The following SLC35F2 variants were observed in gnomAD, a reference collection of about 807,000 sequenced individuals.
SLC35F2 encodes the protein solute carrier family 35 member F2, also known as queuine/queuosine transporter SLC35F2.
SLC35F2 carries 25 observed loss-of-function variants against 38.1 expected under a neutral mutation model. The observed-to-expected ratio is 0.66, with a 90% CI of 0.48 to 0.92. The LOEUF (loss-of-function observed/expected upper bound fraction) is 0.92, where lower values mean the gene tolerates loss of function less well. SLC35F2 is among the 40% of genes least tolerant of loss of function. The probability of loss-of-function intolerance (pLI) is 0.00; values close to 1 mark genes in which losing one functional copy is unlikely to be tolerated. For synonymous variants in SLC35F2, 173 were observed against 181.7 expected, an observed-to-expected ratio of 0.95 and a Z score of 0.38; for missense variants, 409 against 452.9, an observed-to-expected ratio of 0.90 and a Z score of 0.88.
At chr11:107,822,360 AC>A (rs1859685509) in intron 1 of SLC35F2, among the ~76,000 whole-genome samples, 1 of 152,234 alleles carries the variant, frequency 6.6e-6, no homozygotes, top group Non-Finnish European at 1.5e-5. Context: ...ATACTTATGT[AC>A]CTGATTTCCA....
At chr11:107,793,219 CAT>C (rs1166459640) in intron 7 of SLC35F2, among the ~76,000 whole-genome samples, 2 of 152,158 alleles carry the variant, frequency 1.3e-5, no homozygotes, top group African/African-American at 4.8e-5. Flanking sequence ...TGCCTGGCCT[CAT>C]GATCTTTTTT....
chr11:107,846,368 G>A (rs1382007472), intron 1 of SLC35F2, among the ~76,000 whole-genome samples: 3 of 152,082 alleles, frequency 2.0e-5, no homozygotes, highest in South Asian at 2.1e-4. Flanking sequence ...ATGATACCAC[G>A]ATAAAGGTAC....
Position 107,792,760 on chromosome 11 carries a change from AC to A in SLC35F2, c.979del (p.Val327TrpfsTer34). 6.2e-7 allele frequency: 1 copy of A among 1,604,608 alleles called. No homozygotes were observed. The highest frequency in any genetic ancestry group is 8.5e-7 in the Non-Finnish European group (1 of 1,175,634). On this transcript the variant is annotated frameshift_variant, in exon 8 of 8. Coordinates refer to ENST00000525815, the MANE Select transcript of SLC35F2 (RefSeq NM_017515.5). LOFTEE classifies it high-confidence loss of function. The part of the protein sequence containing the change: ...LYILSFTVIM[V>X]GFILYCSTPT... ...GGTGGAGCAGTACAGGATAAACCCC[AC>A]CATGATGACAGTGAAGGACAGGATG...
At chr11:107,829,373 C>T (rs945239881) in intron 1 of SLC35F2, among the ~76,000 whole-genome samples, 3 of 151,358 alleles carry the variant, frequency 2.0e-5, no homozygotes, top group Non-Finnish European at 4.4e-5. Flanking sequence ...GAACAGAGAT[C>T]GTGCCACCGC....
At chr11:107,851,575 AT>A (rs1247114097) in intron 1 of SLC35F2, among the ~76,000 whole-genome samples, 1 of 151,618 alleles carries the variant, frequency 6.6e-6, no homozygotes, top group Non-Finnish European at 1.5e-5. Flanking sequence ...CAGAGTGGAA[AT>A]TTTTTCTAAA....
chr11:107,851,556 C>T (rs1860187011), intron 1 of SLC35F2, among the ~76,000 whole-genome samples: 1 of 142,728 alleles, frequency 7.0e-6, no homozygotes, highest in African/African-American at 2.6e-5. Flanking sequence ...GGGTCACAAA[C>T]ATATAATGCA....
At chr11:107,846,943 A>AC (rs1018097327) in intron 1 of SLC35F2, among the ~76,000 whole-genome samples, 2 of 151,922 alleles carry the variant, frequency 1.3e-5, no homozygotes, top group African/African-American at 4.8e-5. Flanking sequence ...AAAAAAAAAA[A>AC]AGTGAATTTT....
intron 1 of SLC35F2, among the ~76,000 whole-genome samples, chr11:107,847,432 G>A (rs1221495120): frequency 6.6e-6 from 1 of 152,124 alleles, no homozygotes; most frequent in Non-Finnish European, 1.5e-5. Context: ...TTCCACAAAT[G>A]TGGCTACCTT....
chr11:107,829,913 C>T (rs1268366028), intron 1 of SLC35F2, among the ~76,000 whole-genome samples: 5 of 152,106 alleles, frequency 3.3e-5, no homozygotes, highest in Admixed American at 1.3e-4. Flanking sequence ...ATTTTCACTT[C>T]GTATGGCTAC....
intron 1 of SLC35F2, among the ~76,000 whole-genome samples, chr11:107,841,719 C>A (rs1304118748): frequency 6.6e-6 from 1 of 152,066 alleles, no homozygotes; most frequent in East Asian, 1.9e-4. Flanking sequence ...CACTTGTAAT[C>A]CCAGCATTTT....
intron 3 of SLC35F2, chr11:107,809,809 G>T: frequency 2.0e-6 from 2 of 984,990 alleles, no homozygotes; most frequent in South Asian, 4.7e-5. Flanking sequence ...GTATAGAAGA[G>T]AAAATGAAAA....
chr11:107,820,204 G>A (rs1405200744), intron 1 of SLC35F2, among the ~76,000 whole-genome samples: 1 of 149,828 alleles, frequency 6.7e-6, no homozygotes, highest in Non-Finnish European at 1.5e-5. Flanking sequence ...CCAGTGAGCC[G>A]AGATCATACC....
intron 1 of SLC35F2, chr11:107,823,062 TTAGA>T (rs1859700400): frequency 3.6e-5 from 27 of 740,124 alleles, no homozygotes; most frequent in Non-Finnish European, 4.3e-5. Context: ...CTATTTCAAA[TTAGA>T]TAGGCAGTCC....
intron 1 of SLC35F2, chr11:107,840,743 C>A (rs1454441602): frequency 6.6e-6 from 1 of 152,246 alleles, no homozygotes; most frequent in East Asian, 1.9e-4. Flanking sequence ...GCGTAACCCT[C>A]CATGATTCTG....
At chr11:107,804,917 A>T in intron 5 of SLC35F2, 147 bp from the exon 6 acceptor site, 1 of 1,169,688 alleles carries the variant, frequency 8.5e-7, no homozygotes, top group East Asian at 2.7e-5. Context: ...GATCTTTAAT[A>T]AAAATGACAA....
chr11:107,807,273 A>AAAAAAAAAAC (rs1330313624), intron 3 of SLC35F2, among the ~76,000 whole-genome samples: 1 of 88,172 alleles, frequency 1.1e-5, no homozygotes, highest in Non-Finnish European at 2.3e-5. Flanking sequence ...TGTCTGTACA[A>AAAAAAAAAAC]AAAAAAAAAA....
In SLC35F2 at chr11:107,792,443, G is replaced by T. The variant is rs1315639124; in HGVS notation, c.*172C>A. On this transcript the variant is annotated 3_prime_UTR_variant, in exon 8 of 8. Coordinates refer to ENST00000525815, the MANE Select transcript of SLC35F2 (RefSeq NM_017515.5). The stretch of plus-strand genomic sequence containing the variant: ...CTTAGCTTGGTTTCTGCTCTATTTT[G>T]GTATTTCTACTTTTGAACTTTGTTC... The T allele has an allele frequency of 1.5e-6, 1 of 683,256 alleles. No individual in the cohort carries two copies. Among genetic ancestry groups the T allele is most frequent in the Non-Finnish European group, 2.3e-6 (1 of 431,658 alleles). The allele number at this position is 683,256 out of a possible 1,614,324, so 42.3% of individuals were successfully genotyped here.
intron 1 of SLC35F2, among the ~76,000 whole-genome samples, chr11:107,849,366 C>T (rs933143333): frequency 1.3e-5 from 2 of 151,996 alleles, no homozygotes; most frequent in African/African-American, 2.4e-5. Flanking sequence ...AGGCCAGGTG[C>T]GGTGGCTCAC....
chr11:107,825,089 G>A (rs1294246289), intron 1 of SLC35F2, among the ~76,000 whole-genome samples: 1 of 152,230 alleles, frequency 6.6e-6, no homozygotes, highest in Non-Finnish European at 1.5e-5. Flanking sequence ...TACTGTAGAT[G>A]TTACCACAAC....
Sources: gnomAD v4.1 joint callset for allele counts (sites outside exome capture counted in the v4.1 genomes callset) on GRCh38, gnomAD v4.1.1 for gene constraint, MANE v1.5 for transcripts, NCBI Gene and HGNC (gene_info 2026-07-23, HGNC 2026-07-21) for gene names.